Variants in ZSCAN12 observed in about 807,000 individuals in gnomAD.
The protein encoded by ZSCAN12 is zinc finger and SCAN domain-containing protein 12.
ZSCAN12 carries 18 observed loss-of-function variants against 23.4 expected under a neutral mutation model. That is an observed-to-expected ratio of 0.77 (90% CI 0.53 to 1.14). ZSCAN12 has a LOEUF of 1.14. Ranked by LOEUF, ZSCAN12 falls within the 50% of genes most tolerant of loss-of-function variation. ZSCAN12 has a pLI of 0.00. For synonymous variants in ZSCAN12, 186 were observed against 253.4 expected, an observed-to-expected ratio of 0.73 and a Z score of 2.53; for missense variants, 650 against 735.0, an observed-to-expected ratio of 0.88 and a Z score of 1.34.
At chr6:28,379,731 A>G (rs1196068021) in exon 5 of ZSCAN12, 2 of 152,230 alleles carry the variant, frequency 1.3e-5, no homozygotes, top group Non-Finnish European at 2.9e-5. Context: ...TTAATAATAT[A>G]GTTCCTTTCA....
intron 2 of ZSCAN12, among the ~76,000 whole-genome samples, chr6:28,397,537 G>T (rs919514771): frequency 1.3e-5 from 2 of 152,056 alleles, no homozygotes; most frequent in Non-Finnish European, 2.9e-5. Flanking sequence ...TCCCCACCCT[G>T]CTCTCCTCAC....
At chr6:28,399,088 AAAT>A (rs770227723) in intron 1 of ZSCAN12, among the ~76,000 whole-genome samples, 1 of 152,246 alleles carries the variant, frequency 6.6e-6, no homozygotes, top group East Asian at 1.9e-4. Flanking sequence ...TAGATCAAGT[AAAT>A]AATAATAACA....
intron 2 of ZSCAN12, among the ~76,000 whole-genome samples, chr6:28,395,766 C>G (rs548713042): frequency 5.3e-5 from 8 of 152,222 alleles, no homozygotes; most frequent in Non-Finnish European, 2.9e-5. Context: ...CCTTGACAAC[C>G]ACATCTCCAC....
downstream of ZSCAN12, among the ~76,000 whole-genome samples, chr6:28,383,272 T>C (rs185438242): frequency 1.4e-3 from 218 of 152,286 alleles, no homozygotes; most frequent in African/African-American, 5.1e-3. Flanking sequence ...ACCTCAAAAC[T>C]TGGAAGTCAT....
Position 28,389,860 on chromosome 6 carries a change from G to A in ZSCAN12, c.*594C>T, listed in dbSNP as rs1300577632. Among the ~76,000 whole-genome samples, 2 of 152,172 alleles carry A rather than the reference G, an allele frequency of 1.3e-5. No individual in the cohort carries two copies. The highest frequency in any genetic ancestry group is 2.4e-5 in the African/African-American group (1 of 41,422). ...AATGTCCAAGTGCTATAAAGTATTA[G>A]ATGAAATTATTCACACTCTGGCCCT... On this transcript the variant is annotated 3_prime_UTR_variant, in exon 4 of 4. Coordinates refer to ENST00000684592, the MANE Select transcript of ZSCAN12 (RefSeq NM_001163391.2).
downstream of ZSCAN12, chr6:28,380,961 A>C (rs1290104914): frequency 1.3e-5 from 2 of 152,430 alleles, no homozygotes; most frequent in African/African-American, 2.4e-5. Flanking sequence ...AATAAAATCC[A>C]CTTTTACCTA....
At chr6:28,382,347 C>T (rs1760290392), downstream of ZSCAN12, 1 of 1,310,902 alleles carries the variant, frequency 7.6e-7, no homozygotes, top group East Asian at 2.8e-5. Flanking sequence ...CAAACCTTCC[C>T]AAGTCTTCTG....
chr6:28,383,598 G>T (rs898548700), downstream of ZSCAN12, among the ~76,000 whole-genome samples: 1 of 152,190 alleles, frequency 6.6e-6, no homozygotes, highest in Non-Finnish European at 1.5e-5. Flanking sequence ...CCCGTGCGAG[G>T]CCGGCCTTCC....
At chr6:28,378,908 A>G (rs1450865518), downstream of ZSCAN12, 3 of 152,190 alleles carry the variant, frequency 2.0e-5, no homozygotes, top group African/African-American at 7.2e-5. Context: ...AGTTAAAAAA[A>G]ACTGTGTGAT....
Position 28,398,124 on chromosome 6 carries a change from G to A in ZSCAN12, c.282C>T (p.Phe94=), listed in dbSNP as rs750101564. 7 of 1,614,034 alleles carry A rather than the reference G, an allele frequency of 4.3e-6. No individual in the cohort carries two copies. Among genetic ancestry groups the A allele is most frequent in the Non-Finnish European group, 4.2e-6 (5 of 1,180,016 alleles). The change falls in exon 2 of 4, where the codon TTC becomes TTT. Residue 94 remains phenylalanine (F), a synonymous_variant. Transcript: ENST00000684592. ...QILELLVLEQ[F]LTILPEELQA... The stretch of plus-strand genomic sequence containing the variant: ...GGAGCTCCTCAGGTAGGATGGTCAG[G>A]AACTGCTCCAGCACCAGCAGCTCCA...
rs1040359572 is a variant in ZSCAN12, at chr6:28,386,984, C to T, written c.*3470G>A. ...CTGGGATTACAGGCATGTGCCACCACGCCTGGTTAATTTTTGTATTTTTAG... is the reference window on the plus strand; with the variant it reads ...CTGGGATTACAGGCATGTGCCACCATGCCTGGTTAATTTTTGTATTTTTAG... On this transcript the variant is annotated 3_prime_UTR_variant, in exon 4 of 4. Transcript: ENST00000684592. 7.2e-5 allele frequency among the ~76,000 whole-genome samples: 11 copies of T among 152,184 alleles called. No homozygotes were observed. The highest frequency in any genetic ancestry group is 4.1e-4 in the South Asian group (2 of 4,820).
Position 28,395,233 on chromosome 6 carries a change from C to G in ZSCAN12, c.403-2187G>C, listed in dbSNP as rs560068713. On this transcript the variant is annotated intron_variant, in intron 2 of 3. Coordinates refer to ENST00000684592, the MANE Select transcript of ZSCAN12 (RefSeq NM_001163391.2). ...TGCAGGCTTGAGCCACCGTGCCTGG[C>G]CCAAACCCTAAGTTTTGATTCCTGT... Among the ~76,000 whole-genome samples, 18 of 152,226 alleles carry G rather than the reference C, an allele frequency of 1.2e-4. No homozygotes were observed. The South Asian group carries it at 3.5e-3, about 30-fold the overall frequency.
In ZSCAN12 at chr6:28,398,236, G is replaced by A. The variant is rs1187408501; in HGVS notation, c.170C>T (p.Thr57Ile). 6.2e-7 allele frequency: 1 copy of A among 1,614,052 alleles called. No homozygotes were observed. Among genetic ancestry groups the A allele is most frequent in the Non-Finnish European group, 8.5e-7 (1 of 1,179,996 alleles). Reference protein sequence around the residue: ...QYFRQFCYQETSGPREALSRL... With the variant: ...QYFRQFCYQEISGPREALSRL... ...GCTCAAAGCCTCACGGGGACCAGAT[G>A]TCTCCTGGTAGCAGAACTGTCTGAA... Residue 57 changes from threonine (T) to isoleucine (I), a missense_variant, in exon 2 of 4, where the codon ACA (threonine) becomes ATA (isoleucine). Coordinates refer to ENST00000684592, the MANE Select transcript of ZSCAN12 (RefSeq NM_001163391.2).
rs1760573224 is a variant in ZSCAN12, at chr6:28,386,835, T to G, written c.*3619A>C. Among the ~76,000 whole-genome samples the G allele has an allele frequency of 6.6e-6, 1 of 152,188 alleles. No individual in the cohort carries two copies. The highest frequency in any genetic ancestry group is 2.4e-5 in the African/African-American group (1 of 41,440). The stretch of plus-strand genomic sequence containing the variant: ...CCCCACGTGTATTTTTATTTTTATT[T>G]TAATTTTTGTTGAGATGGAGTCTTG... On this transcript the variant is annotated 3_prime_UTR_variant, in exon 4 of 4. Transcript: ENST00000684592.
In ZSCAN12 at chr6:28,391,155, T is replaced by C; in HGVS notation, c.1135A>G (p.Ile379Val). 6.4e-7 allele frequency: 1 copy of C among 1,552,124 alleles called. No individual in the cohort carries two copies. Among genetic ancestry groups the C allele is most frequent in the Non-Finnish European group, 8.7e-7 (1 of 1,147,102 alleles). The change falls in exon 4 of 4, where the codon ATC becomes GTC. Residue 379 changes from isoleucine to valine, a missense_variant. Transcript: ENST00000684592. This position sits in a 1 kb window ranked among gnomAD's most constrained non-coding sequence, Gnocchi z 4.1. ...TGATAAGGTTTGTCTCTTGTGTGGA[T>C]CTTGATATGGTGAAAGAGGCCTGCT... ...QKAGLFHHIKIHTRDKPYQCT... is the reference protein window; with the variant it reads ...QKAGLFHHIKVHTRDKPYQCT...
chr6:28,391,362 C>G lies in ZSCAN12; in HGVS notation c.928G>C (p.Ala310Pro). The G allele has an allele frequency of 6.4e-7, 1 of 1,551,758 alleles. No homozygotes were observed. Among genetic ancestry groups the G allele is most frequent in the Non-Finnish European group, 8.7e-7 (1 of 1,146,816 alleles). ...ATAAGCACAGTTCTCCCACGGAAAGCTTTTCCACATTCTTCGCATTTGTAG... is the reference window on the plus strand; with the variant it reads ...ATAAGCACAGTTCTCCCACGGAAAGGTTTTCCACATTCTTCGCATTTGTAG... ...RPYKCEECGKAFRGRTVLIRH... is the reference protein window; with the variant it reads ...RPYKCEECGKPFRGRTVLIRH... Residue 310 changes from alanine (A) to proline (P), a missense_variant, in exon 4 of 4, where the codon GCT becomes CCT. Coordinates refer to ENST00000684592, the MANE Select transcript of ZSCAN12 (RefSeq NM_001163391.2). This position sits in a 1 kb window ranked among gnomAD's most constrained non-coding sequence, Gnocchi z 4.1.
At chr6:28,396,019 A>ATTTTTTTT (rs70983941) in intron 2 of ZSCAN12, among the ~76,000 whole-genome samples, 2 of 132,178 alleles carry the variant, frequency 1.5e-5, no homozygotes, top group African/African-American at 2.9e-5. Flanking sequence ...GTGTTTGTTG[A>ATTTTTTTT]TTTTTTTTTT....
At chr6:28,379,425 C>A (rs1337011369) in exon 5 of ZSCAN12, 5 of 152,088 alleles carry the variant, frequency 3.3e-5, no homozygotes, top group Non-Finnish European at 7.3e-5. Context: ...CATGGTGAAA[C>A]CCCGTCTCTA....
chr6:28,381,519 A>G (rs1760239590), downstream of ZSCAN12: 1 of 152,236 alleles, frequency 6.6e-6, no homozygotes, highest in African/African-American at 2.4e-5. Flanking sequence ...GGTCAAAAAA[A>G]ACAAAACCCC....
Sources: gnomAD v4.1 joint callset for allele counts (sites outside exome capture counted in the v4.1 genomes callset) on GRCh38, gnomAD v4.1.1 for gene constraint, Gnocchi (gnomAD v3.1) non-coding constraint, MANE v1.5 for transcripts, NCBI Gene and HGNC (gene_info 2026-07-23, HGNC 2026-07-21) for gene names.